ZFAT: variants seen among roughly 807,000 people sequenced by gnomAD.
ZFAT encodes zinc finger and AT-hook domain containing, also known as zinc finger protein ZFAT.
Under a neutral mutation model 117.7 loss-of-function variants are expected in ZFAT, and 64 were observed. The observed-to-expected ratio is 0.54, with a 90% CI of 0.44 to 0.67. The LOEUF is 0.67. Ranked by LOEUF, ZFAT falls within the 30% of genes least tolerant of loss-of-function variation. ZFAT has a pLI of 0.00. For missense variants in ZFAT, 1,433 were observed against 1,584.5 expected (o/e 0.90, Z 1.62); for synonymous variants, 679 against 615.0 (o/e 1.10, Z -1.54).
the ZFAT span, among the ~76,000 whole-genome samples, chr8:134,773,119 A>T: frequency 1.3e-5 from 2 of 151,830 alleles, no homozygotes; most frequent in East Asian, 3.9e-4. Flanking sequence ...AAAATAGAAA[A>T]AGAAAAAGAA....
At chr8:134,814,932 A>C in the ZFAT span, among the ~76,000 whole-genome samples, 2 of 152,222 alleles carry the variant, frequency 1.3e-5, no homozygotes, top group African/African-American at 4.8e-5. Flanking sequence ...TCATCCTACA[A>C]CTAGAAGAAT....
intron 13 of ZFAT, among the ~76,000 whole-genome samples, chr8:134,519,627 T>C (rs770168633): frequency 6.6e-6 from 1 of 152,250 alleles, no homozygotes; most frequent in Non-Finnish European, 1.5e-5. Flanking sequence ...ATTATATGTA[T>C]AGAGAGATAC....
the ZFAT span, among the ~76,000 whole-genome samples, chr8:134,783,473 C>A: frequency 2.0e-5 from 3 of 152,186 alleles, no homozygotes; most frequent in African/African-American, 4.8e-5. Flanking sequence ...ACACCTCCCC[C>A]CTTACCCCTG....
intron 1 of ZFAT, 41 bp downstream of exon 1, chr8:134,712,804 C>CA: frequency 6.4e-6 from 6 of 937,524 alleles, no homozygotes; most frequent in Admixed American, 2.6e-5. Flanking sequence ...CGCCGCGCCC[C>CA]ACCCCCACCC....
intron 3 of ZFAT, among the ~76,000 whole-genome samples, chr8:134,616,044 C>T (rs1212185662): frequency 2.0e-5 from 3 of 152,140 alleles, no homozygotes; most frequent in East Asian, 3.9e-4. Flanking sequence ...GGAGGTGAGG[C>T]AGGAGAAGAA....
intron 11 of ZFAT, among the ~76,000 whole-genome samples, chr8:134,541,660 G>A (rs1360165150): frequency 6.6e-6 from 1 of 152,200 alleles, no homozygotes; most frequent in African/African-American, 2.4e-5. Flanking sequence ...AGAGGGGGAA[G>A]GGAAGAGAAT....
At chr8:134,636,180 A>G (rs1830200592) in intron 3 of ZFAT, among the ~76,000 whole-genome samples, 1 of 152,198 alleles carries the variant, frequency 6.6e-6, no homozygotes, top group African/African-American at 2.4e-5. Context: ...AGTCTTGCTT[A>G]TTGTAGGGAG....
chr8:134,678,267 C>T (rs200373990), intron 1 of ZFAT, among the ~76,000 whole-genome samples: 2 of 152,094 alleles, frequency 1.3e-5, no homozygotes, highest in African/African-American at 4.8e-5. Flanking sequence ...ATAAAATCAA[C>T]GTGCAAAAAT....
In ZFAT at chr8:134,627,123, G is replaced by C. The variant is rs1193358375; in HGVS notation, c.448+10338C>G. ...TGAGATCCATCCATGTCCAGCAAGA[G>C]CAGGGGAGGGAAAGCCACGGGAGGC... On this transcript the variant is annotated intron_variant, in intron 3 of 15. Transcript: ENST00000377838. 1.1e-4 allele frequency among the ~76,000 whole-genome samples: 16 copies of C among 152,210 alleles called. 1 individual carries two copies. Among genetic ancestry groups the C allele is most frequent in the Non-Finnish European group, 1.5e-5 (1 of 68,032 alleles).
chr8:134,736,928 G>A, the ZFAT span, among the ~76,000 whole-genome samples: 3 of 152,182 alleles, frequency 2.0e-5, no homozygotes, highest in South Asian at 4.2e-4. Flanking sequence ...GAGGTTCTGC[G>A]TAGGCTTTCA....
intron 12 of ZFAT, among the ~76,000 whole-genome samples, chr8:134,528,927 C>T (rs966376724): frequency 6.6e-6 from 1 of 152,178 alleles, no homozygotes; most frequent in Non-Finnish European, 1.5e-5. Flanking sequence ...GAGATACATG[C>T]TCAAAGTAGA....
the ZFAT span, among the ~76,000 whole-genome samples, chr8:134,758,634 CATG>C: frequency 9.2e-5 from 14 of 152,206 alleles, no homozygotes; most frequent in Non-Finnish European, 1.3e-4. Flanking sequence ...AAAAGAAAGA[CATG>C]GAATGGAAAA....
chr8:134,521,143 G>A, intron 12 of ZFAT, 142 bp from the exon 13 acceptor site: 2 of 539,610 alleles, frequency 3.7e-6, no homozygotes, highest in South Asian at 4.3e-5. Context: ...GCTTACCTTA[G>A]TATTGGAACA....
intron 15 of ZFAT, among the ~76,000 whole-genome samples, chr8:134,502,316 G>A (rs924032795): frequency 3.3e-5 from 5 of 152,234 alleles, no homozygotes; most frequent in African/African-American, 1.2e-4. Flanking sequence ...GATGGGCAGT[G>A]AGAAAGGGGT....
intron 7 of ZFAT, chr8:134,598,777 T>A (rs915664037): frequency 6.6e-6 from 1 of 152,214 alleles, no homozygotes; most frequent in African/African-American, 2.4e-5. Context: ...ATGATAATAG[T>A]CCATGACACA....
chr8:134,587,619 A>G (rs1826161481), intron 9 of ZFAT, among the ~76,000 whole-genome samples: 1 of 152,148 alleles, frequency 6.6e-6, no homozygotes, highest in South Asian at 2.1e-4. Context: ...GTCCTTATCC[A>G]GGGGGAGAAA....
intron 12 of ZFAT, among the ~76,000 whole-genome samples, chr8:134,524,474 A>G (rs1169430033): frequency 6.6e-6 from 1 of 152,182 alleles, no homozygotes; most frequent in Non-Finnish European, 1.5e-5. Flanking sequence ...AAATAATATG[A>G]ATTCTTCACT....
intron 11 of ZFAT, among the ~76,000 whole-genome samples, chr8:134,554,408 A>G (rs1823407825): frequency 6.6e-6 from 1 of 152,252 alleles, no homozygotes; most frequent in South Asian, 2.1e-4. Context: ...AGAGGTGGAT[A>G]GGTCGCTATG....
chr8:134,771,534 A>G, the ZFAT span, among the ~76,000 whole-genome samples: 7 of 152,218 alleles, frequency 4.6e-5, no homozygotes, highest in Non-Finnish European at 1.0e-4. Flanking sequence ...CTTCATTTCT[A>G]TCTGAGACCA....
Sources: allele counts gnomAD v4.1 joint callset (sites outside exome capture counted in the v4.1 genomes callset), GRCh38; gene constraint gnomAD v4.1.1; transcripts MANE v1.5; gene names NCBI Gene and HGNC (gene_info 2026-07-23, HGNC 2026-07-21).